Variants in NTM observed in about 807,000 individuals in gnomAD.
The protein encoded by NTM is neurotrimin, also known as IgLON family member 2.
Under a neutral mutation model 42.1 loss-of-function variants are expected in NTM, and 13 were observed. That is an observed-to-expected ratio of 0.31 (90% CI 0.20 to 0.49). The LOEUF is 0.49. Ranked by LOEUF, NTM falls within the 20% of genes least tolerant of loss-of-function variation. The pLI, the probability that NTM is intolerant of heterozygous loss-of-function variation, is 0.99. For missense variants in NTM, 373 were observed against 452.8 expected (o/e 0.82, Z 1.60); for synonymous variants, 187 against 179.2 (o/e 1.04, Z -0.35).
intron 1 of NTM, among the ~76,000 whole-genome samples, chr11:131,530,305 T>C (rs1396475225): frequency 6.6e-6 from 1 of 151,990 alleles, no homozygotes; most frequent in Non-Finnish European, 1.5e-5. Flanking sequence ...GGATGTTTTA[T>C]ATCCTTTTTA....
chr11:131,825,631 C>T (rs777047603), intron 1 of NTM, among the ~76,000 whole-genome samples: 22 of 151,926 alleles, frequency 1.4e-4, no homozygotes, highest in Admixed American at 2.6e-4. Context: ...TGCAGCCATT[C>T]GGGTGAGAAA....
chr11:132,075,065 G>C (rs1438654836), intron 2 of NTM, among the ~76,000 whole-genome samples: 1 of 152,166 alleles, frequency 6.6e-6, no homozygotes, highest in Admixed American at 6.5e-5. Context: ...AGGACATTAT[G>C]CTGAATGAAA....
intron 1 of NTM, among the ~76,000 whole-genome samples, chr11:131,375,336 G>A (rs1460900997): frequency 2.0e-5 from 3 of 152,128 alleles, no homozygotes; most frequent in Non-Finnish European, 4.4e-5. Context: ...CTTCCTTTCT[G>A]CTCTATTGTC....
At chr11:131,425,407 A>G (rs1948031273) in intron 1 of NTM, among the ~76,000 whole-genome samples, 1 of 152,186 alleles carries the variant, frequency 6.6e-6, no homozygotes, top group South Asian at 2.1e-4. Flanking sequence ...TTTGATGTTA[A>G]GGCTCAAAGA....
rs959998254 is a variant in NTM, at chr11:131,753,011, C to T, written c.83-158553C>T. ...ACCCATCTGACAAAGGGCTAATATC[C>T]AGAATCTACAATGAGCACAAACAAA... is the stretch of plus-strand genomic sequence containing the variant. On this transcript the variant is annotated intron_variant, in intron 1 of 8. Coordinates refer to ENST00000683400, the MANE Select transcript of NTM (RefSeq NM_001352005.2). Among the ~76,000 whole-genome samples, 3 of 151,282 alleles carry T rather than the reference C, an allele frequency of 2.0e-5. No homozygotes were observed. In the East Asian group the frequency reaches 5.8e-4, roughly 29 times the overall value.
intron 2 of NTM, among the ~76,000 whole-genome samples, chr11:131,966,712 G>A (rs954634228): frequency 3.9e-5 from 6 of 152,124 alleles, no homozygotes; most frequent in South Asian, 2.1e-4. Flanking sequence ...CAGCAGTCTC[G>A]ATCAGGTCAG....
chr11:132,328,298 G>A (rs560975436), intron 7 of NTM, among the ~76,000 whole-genome samples: 1 of 152,164 alleles, frequency 6.6e-6, no homozygotes, highest in Admixed American at 6.5e-5. Context: ...TGACTGGAAA[G>A]GTTGAACAAC....
At chr11:131,832,745 C>T (rs573910169) in intron 1 of NTM, among the ~76,000 whole-genome samples, 57 of 152,266 alleles carry the variant, frequency 3.7e-4, no homozygotes, top group Non-Finnish European at 8.8e-5. Flanking sequence ...TCCAGAGTCA[C>T]ATTGGAGATA....
chr11:131,448,122 G>A (rs1170288841), intron 1 of NTM, among the ~76,000 whole-genome samples: 1 of 152,210 alleles, frequency 6.6e-6, no homozygotes, highest in Middle Eastern at 3.2e-3. Flanking sequence ...GGTAGCCCCG[G>A]GTGAGTGCCC....
chr11:132,133,794 C>T (rs1232816739), intron 2 of NTM, among the ~76,000 whole-genome samples: 1 of 152,110 alleles, frequency 6.6e-6, no homozygotes, highest in African/African-American at 2.4e-5. Context: ...TCTCTTCACC[C>T]TGGCTTACTT....
chr11:131,583,638 C>A (rs2058608951), intron 1 of NTM, among the ~76,000 whole-genome samples: 1 of 152,046 alleles, frequency 6.6e-6, no homozygotes, highest in Non-Finnish European at 1.5e-5. Flanking sequence ...CTAGGAGGTG[C>A]GGATTAATAT....
At chr11:132,064,930 T>C (rs2081219831) in intron 2 of NTM, among the ~76,000 whole-genome samples, 1 of 152,208 alleles carries the variant, frequency 6.6e-6, no homozygotes, top group Non-Finnish European at 1.5e-5. Context: ...CATTTCTGTT[T>C]AAAAATCCAG....
intron 3 of NTM, among the ~76,000 whole-genome samples, chr11:132,163,755 C>A (rs927535203): frequency 1.3e-5 from 2 of 152,222 alleles, no homozygotes; most frequent in African/African-American, 4.8e-5. Context: ...CAGAAGCCTC[C>A]TTGGAGGCCA....
chr11:131,599,410 C>G (rs1339282886), intron 1 of NTM, among the ~76,000 whole-genome samples: 1 of 121,322 alleles, frequency 8.2e-6, no homozygotes, highest in African/African-American at 2.6e-5. Context: ...CCCTGTATAA[C>G]CCTATATAAC....
chr11:131,816,047 A>G (rs568013200), intron 1 of NTM, among the ~76,000 whole-genome samples: 34 of 152,106 alleles, frequency 2.2e-4, no homozygotes, highest in African/African-American at 8.2e-4. Context: ...CTCCTCCTTT[A>G]TTTTCAATTC....
At chr11:132,105,229 G>A (rs1821085869) in intron 2 of NTM, among the ~76,000 whole-genome samples, 1 of 151,554 alleles carries the variant, frequency 6.6e-6, no homozygotes, top group African/African-American at 2.4e-5. Flanking sequence ...GTCTGAACAT[G>A]GCTTAAGATG....
chr11:131,793,021 A>C (rs1482485249), intron 1 of NTM, among the ~76,000 whole-genome samples: 4 of 152,246 alleles, frequency 2.6e-5, no homozygotes, highest in Non-Finnish European at 4.4e-5. Flanking sequence ...GAGTGGACAG[A>C]GTCCCATTAA....
intron 1 of NTM, among the ~76,000 whole-genome samples, chr11:131,632,134 AT>A (rs992910563): frequency 2.0e-5 from 3 of 152,012 alleles, no homozygotes; most frequent in Admixed American, 6.6e-5. Flanking sequence ...GTACTTGAAT[AT>A]TTTTCACTGT....
At chr11:131,659,072 C>T (rs1045940576) in intron 1 of NTM, among the ~76,000 whole-genome samples, 1 of 152,208 alleles carries the variant, frequency 6.6e-6, no homozygotes, top group African/African-American at 2.4e-5. Context: ...GAAAAGACCT[C>T]TGGTATCAGT....
Sources: allele counts gnomAD v4.1 joint callset (sites outside exome capture counted in the v4.1 genomes callset), GRCh38; gene constraint gnomAD v4.1.1; transcripts MANE v1.5; gene names NCBI Gene and HGNC (gene_info 2026-07-23, HGNC 2026-07-21).